The following GARS1 variants were observed in gnomAD, a reference collection of about 807,000 sequenced individuals.
GARS1 encodes glycine--tRNA ligase.
In GARS1, 46 loss-of-function variants were observed where a neutral mutation model predicts 86.4. The observed-to-expected ratio is 0.53, with a 90% confidence interval of 0.42 to 0.68. The LOEUF (loss-of-function observed/expected upper bound fraction) is 0.68. Ranked by LOEUF, GARS1 falls within the 30% of genes least tolerant of loss-of-function variation. GARS1 has a pLI of 0.00. For missense variants in GARS1, 797 were observed against 915.6 expected (o/e 0.87, Z 1.67); for synonymous variants, 342 against 329.8 (o/e 1.04, Z -0.40).
In GARS1 at chr7:30,632,561, G is replaced by A. The variant is rs995553457; in HGVS notation, c.2094+124G>A. 3.9e-6 allele frequency: 4 copies of A among 1,015,842 alleles called. No homozygotes were observed. Among genetic ancestry groups the A allele is most frequent in the East Asian group, 2.6e-5 (1 of 38,478 alleles). The allele number at this position is 1,015,842 out of a possible 1,614,324, so 62.9% of individuals were successfully genotyped here. ...TTTTTTCTTTTTAATTTTAATGAACGGCTTGTATCAGACAGAGCCCAGATT... is the reference window on the plus strand; with the variant it reads ...TTTTTTCTTTTTAATTTTAATGAACAGCTTGTATCAGACAGAGCCCAGATT... On this transcript the variant is annotated intron_variant, in intron 16 of 16. Coordinates refer to ENST00000389266, the MANE Select transcript of GARS1 (RefSeq NM_002047.4). The surrounding 1 kb of genome is among the most constrained non-coding windows in gnomAD (Gnocchi z 4.1).
chr7:30,629,752 A>G (rs146254385), intron 14 of GARS1, among the ~76,000 whole-genome samples: 1 of 152,220 alleles, frequency 6.6e-6, no homozygotes, highest in East Asian at 1.9e-4. Context: ...GAGCAGCCCT[A>G]TTCATTCAAC....
intron 6 of GARS1, among the ~76,000 whole-genome samples, chr7:30,604,835 C>G (rs1791450369): frequency 1.3e-5 from 2 of 152,148 alleles, no homozygotes; most frequent in Admixed American, 1.3e-4. Context: ...CTAAAATTTT[C>G]CATTCAGAAT....
At chr7:30,618,488 G>T (rs1375694808) in intron 10 of GARS1, among the ~76,000 whole-genome samples, 1 of 152,100 alleles carries the variant, frequency 6.6e-6, no homozygotes, top group Non-Finnish European at 1.5e-5. Flanking sequence ...ACAAAAATTA[G>T]CCAGGTGTGA....
chr7:30,622,386 A>C lies in GARS1; in HGVS notation c.1537A>C (p.Lys513Gln). The change falls in exon 12 of 17, where the codon AAA (lysine) becomes CAA (glutamine). Residue 513 changes from lysine (K) to glutamine (Q), a missense_variant. Physicochemically the swap from Lys to Gln is moderately conservative, Grantham distance 53. Transcript: ENST00000389266. Reference protein sequence around the residue: ...AIGKAYKKDAKLVMEYLAICD... With the variant: ...AIGKAYKKDAQLVMEYLAICD... ...TGGTAAGGCATATAAGAAGGATGCA[A>C]AACTGGTGATGGAGTATCTTGCCAT... 2 of 1,614,154 alleles carry C rather than the reference A, an allele frequency of 1.2e-6. No individual in the cohort carries two copies. The highest frequency in any genetic ancestry group is 1.7e-6 in the Non-Finnish European group (2 of 1,180,006).
Position 30,609,706 on chromosome 7 carries a change from T to C in GARS1, c.857T>C (p.Ile286Thr), listed in dbSNP as rs752755311. The C allele has an allele frequency of 9.9e-6, 16 of 1,613,626 alleles. No homozygotes were observed. Among genetic ancestry groups the C allele is most frequent in the East Asian group, 2.2e-5 (1 of 44,832 alleles). ...TTTAACTTAATGTTCAAGACTTTCA[T>C]TGGGCCTGGAGGAAACATGCCTGGG... ...VSFNLMFKTF[I>T]GPGGNMPGYL... The change falls in exon 7 of 17, where the codon ATT becomes ACT. Residue 286 changes from isoleucine (I) to threonine (T), a missense_variant. Ile to Thr is a moderately conservative substitution (Grantham distance 89). Coordinates refer to ENST00000389266, the MANE Select transcript of GARS1 (RefSeq NM_002047.4).
intron 6 of GARS1, 141 bp from the exon 7 acceptor site, chr7:30,609,444 T>G: frequency 1.5e-6 from 1 of 685,730 alleles, no homozygotes; most frequent in Non-Finnish European, 2.6e-6. Flanking sequence ...TTAATGTGGG[T>G]GTCCTGAAGG....
At chr7:30,613,507 C>T (rs1261536291) in intron 8 of GARS1, among the ~76,000 whole-genome samples, 4 of 152,072 alleles carry the variant, frequency 2.6e-5, no homozygotes, top group African/African-American at 7.2e-5. Flanking sequence ...GCCAGTGTTA[C>T]GAAGAGGGTT....
At chr7:30,611,643 C>G (rs759146847) in intron 7 of GARS1, among the ~76,000 whole-genome samples, 29 of 152,114 alleles carry the variant, frequency 1.9e-4, no homozygotes, top group Non-Finnish European at 3.5e-4. Context: ...TGCCACCACG[C>G]CTGGCTAATT....
At chr7:30,626,965 T>C (rs1446497883) in intron 13 of GARS1, 3 of 402,296 alleles carry the variant, frequency 7.5e-6, no homozygotes, top group Non-Finnish European at 1.5e-5. Context: ...TGGGCGACAG[T>C]GCAAGACTCC....
intron 12 of GARS1, among the ~76,000 whole-genome samples, chr7:30,623,210 A>ATT (rs1365030330): frequency 6.6e-6 from 1 of 151,942 alleles, no homozygotes; most frequent in Admixed American, 6.6e-5. Flanking sequence ...AATAAAAATT[A>ATT]TTATATATAT....
At position 30,595,045 on chromosome 7, in the gene GARS1, C is replaced by T. The variant is rs1049402; in HGVS notation, c.124C>T (p.Pro42Ser). The T allele has an allele frequency of 3.8e-6, 6 of 1,559,846 alleles. No homozygotes were observed. Among genetic ancestry groups the T allele is most frequent in the South Asian group, 1.2e-5 (1 of 86,070 alleles). The change falls in exon 1 of 17, where the codon CCC becomes TCC. Residue 42 changes from proline to serine, a missense_variant. Physicochemically the swap from Pro to Ser is moderately conservative, Grantham distance 74. Around this residue, in one of 2 missense-constraint regions of GARS1, gnomAD observed 199 missense variants for 176.9 expected, o/e 1.12. Transcript: ENST00000389266. ...LRRSLSAASC[P>S]PISLPAAASR... ...CCGGTCCCTCAGCGCGGCCTCCTGC[C>T]CCCCGATCTCCTTGCCCGCCGCCGC...
intron 6 of GARS1, among the ~76,000 whole-genome samples, chr7:30,608,568 A>T (rs1420962968): frequency 6.6e-6 from 1 of 152,212 alleles, no homozygotes; most frequent in Non-Finnish European, 1.5e-5. Context: ...TAAATTGCAC[A>T]TTCAAATCTG....
At position 30,633,763 on chromosome 7, in the gene GARS1, A is replaced by T. The variant is rs776108138; in HGVS notation, c.2123A>T (p.Asp708Val). ...EISELPSIVQ[D>V]LANGNITWAD... The stretch of plus-strand genomic sequence containing the variant: ...TCTGAGCTGCCCAGCATAGTCCAAG[A>T]CCTAGCCAATGGCAACATCACATGG... Residue 708 changes from aspartate (D) to valine (V), a missense_variant, in exon 17 of 17, where the codon GAC (aspartate) becomes GTC (valine). By Grantham distance (152) the Asp-to-Val change is radical (BLOSUM62 -3). This residue lies in a region of GARS1 where 598 missense variants were observed against 738.7 expected (regional missense o/e 0.81). Transcript: ENST00000389266. 4.3e-6 allele frequency: 7 copies of T among 1,614,112 alleles called. No homozygotes were observed. Among genetic ancestry groups the T allele is most frequent in the Non-Finnish European group, 4.2e-6 (5 of 1,179,994 alleles).
At chr7:30,626,930 G>A (rs1222695531) in intron 13 of GARS1, 2 of 345,236 alleles carry the variant, frequency 5.8e-6, no homozygotes, top group Non-Finnish European at 1.1e-5. Context: ...GGAGTGAGCC[G>A]AGATCACGCC....
At position 30,603,511 on chromosome 7, in the gene GARS1, T is replaced by C. The variant is rs1791422010; in HGVS notation, c.674T>C (p.Leu225Ser). 1 of 1,613,684 alleles carries C rather than the reference T, an allele frequency of 6.2e-7. No individual in the cohort carries two copies. The highest frequency in any genetic ancestry group is 8.5e-7 in the Non-Finnish European group (1 of 1,179,794). ...DHLLKAHLQK[L>S]MSDKKCSVEK... ...GTTCTTACAGCTCATTTACAGAAAT[T>C]GATGTCTGATAAGAAGTGTTCTGTC... Residue 225 changes from leucine (L) to serine (S), a missense_variant, in exon 6 of 17, where the codon TTG (leucine) becomes TCG (serine). Around this residue, in one of 2 missense-constraint regions of GARS1, gnomAD observed 598 missense variants for 738.7 expected, o/e 0.81. Transcript: ENST00000389266.
In GARS1 at chr7:30,616,118, C is replaced by G. The variant is rs574622250; in HGVS notation, c.1194+60C>G. On this transcript the variant is annotated intron_variant, in intron 9 of 16. Coordinates refer to ENST00000389266, the MANE Select transcript of GARS1 (RefSeq NM_002047.4). ...CCTGTTCAGGGTTTGCAGCAATTAG[C>G]AAATTCTATGTGTTCTGGGTGACAA... The G allele has an allele frequency of 5.6e-5, 87 of 1,557,768 alleles. 1 individual carries two copies. The African/African-American group carries it at 7.0e-4, about 13-fold the overall frequency.
chr7:30,621,367 T>C (rs748094971), intron 10 of GARS1, 26 bp from the exon 11 acceptor site: 3 of 1,575,214 alleles, frequency 1.9e-6, no homozygotes, highest in Admixed American at 1.7e-5. Flanking sequence ...AAGTAAGTAA[T>C]GTTTTTATTG....
At chr7:30,626,072 T>G (rs1783121635) in intron 12 of GARS1, among the ~76,000 whole-genome samples, 162 bp from the exon 13 acceptor site, 1 of 152,242 alleles carries the variant, frequency 6.6e-6, no homozygotes, top group African/African-American at 2.4e-5. Context: ...CTTAATTTGG[T>G]GTTTCTTATG....
chr7:30,617,589 C>G (rs574497024), intron 10 of GARS1, among the ~76,000 whole-genome samples: 1 of 152,264 alleles, frequency 6.6e-6, no homozygotes, highest in African/African-American at 2.4e-5. Context: ...ACATTGGCCT[C>G]TCCTTCCTGG....
Sources: allele counts gnomAD v4.1 joint callset (sites outside exome capture counted in the v4.1 genomes callset), GRCh38; gene constraint gnomAD v4.1.1; regional missense constraint gnomAD v4.1.1; non-coding constraint Gnocchi (gnomAD v3.1); transcripts MANE v1.5; gene names NCBI Gene and HGNC (gene_info 2026-07-23, HGNC 2026-07-21).